Variants in TANC1 observed in about 807,000 individuals in gnomAD.
The protein encoded by TANC1 is tetratricopeptide repeat, ankyrin repeat and coiled-coil containing 1.
In TANC1, 77 loss-of-function variants were observed where a neutral mutation model predicts 149.7. That is an observed-to-expected ratio of 0.51 (90% confidence interval 0.43 to 0.62). The LOEUF is 0.62. Among genes scored for constraint, TANC1 ranks in the 20% least tolerant of loss-of-function variants. The pLI, the probability that TANC1 is intolerant of heterozygous loss-of-function variation, is 0.00. For missense variants in TANC1, 1,985 were observed against 2,321.8 expected (o/e 0.85, Z 2.98); for synonymous variants, 854 against 925.0 (o/e 0.92, Z 1.39).
intron 4 of TANC1, among the ~76,000 whole-genome samples, chr2:159,130,119 G>A (rs753681525): frequency 2.6e-5 from 4 of 152,106 alleles, no homozygotes; most frequent in Non-Finnish European, 5.9e-5. Context: ...AATACCAGAC[G>A]GTCTTTCCTT....
At chr2:159,130,894 C>G (rs959603094) in intron 4 of TANC1, among the ~76,000 whole-genome samples, 7 of 152,070 alleles carry the variant, frequency 4.6e-5, no homozygotes, top group Admixed American at 1.3e-4. Flanking sequence ...CAGGGTAGGT[C>G]TTTCCTCACC....
chr2:159,188,497 A>T (rs963750720), intron 16 of TANC1, among the ~76,000 whole-genome samples: 1 of 152,194 alleles, frequency 6.6e-6, no homozygotes, highest in Admixed American at 6.5e-5. Flanking sequence ...GTACCATCTC[A>T]TAGGACTGGT....
intron 18 of TANC1, among the ~76,000 whole-genome samples, chr2:159,197,907 T>G (rs529746500): frequency 1.3e-4 from 20 of 152,330 alleles, no homozygotes; most frequent in Admixed American, 4.6e-4. Flanking sequence ...CTTAGTGGCT[T>G]AAAGCAGCAC....
rs541555743 is a variant in TANC1, at chr2:159,157,601, C to A, written c.683-5682C>A. Among the ~76,000 whole-genome samples the A allele has an allele frequency of 3.3e-5, 5 of 152,276 alleles. No homozygotes were observed. In the South Asian group the frequency reaches 1.0e-3, roughly 32 times the overall value. ...TCGGACTTCCTCTGCAGCAGTGAAA[C>A]CTAATTTGGAAAGTTCTTAGTCACA... On this transcript the variant is annotated intron_variant, in intron 7 of 26. Coordinates refer to ENST00000263635, the MANE Select transcript of TANC1 (RefSeq NM_033394.3).
chr2:159,048,413 T>C (rs2041231019), intron 2 of TANC1, among the ~76,000 whole-genome samples: 1 of 152,214 alleles, frequency 6.6e-6, no homozygotes, highest in Non-Finnish European at 1.5e-5. Context: ...CTGGGTGGCC[T>C]GAGACAAGGA....
chr2:158,987,442 C>T (rs1035283398), intron 1 of TANC1, among the ~76,000 whole-genome samples: 15 of 152,052 alleles, frequency 9.9e-5, no homozygotes, highest in Admixed American at 6.6e-4. Context: ...GTAGGAGGAT[C>T]GCTTGAGCCC....
At chr2:159,177,022 G>A (rs2055940128) in intron 13 of TANC1, among the ~76,000 whole-genome samples, 2 of 145,768 alleles carry the variant, frequency 1.4e-5, no homozygotes, top group African/African-American at 5.1e-5. Flanking sequence ...TGATTCTCCT[G>A]CCTTGGCCTC....
intron 14 of TANC1, among the ~76,000 whole-genome samples, chr2:159,179,390 T>C (rs796311487): frequency 1.6e-4 from 24 of 152,162 alleles, no homozygotes; most frequent in African/African-American, 5.5e-4. Context: ...TTATGGATGG[T>C]ACATGTGGAT....
intron 19 of TANC1, among the ~76,000 whole-genome samples, chr2:159,213,740 A>G (rs921502294): frequency 7.9e-5 from 12 of 152,142 alleles, no homozygotes; most frequent in Non-Finnish European, 1.6e-4. Context: ...ATCTGACTAG[A>G]AAGATGACAG....
chr2:159,004,109 T>C (rs1559121345), intron 2 of TANC1: 6 of 1,611,666 alleles, frequency 3.7e-6, no homozygotes, highest in South Asian at 1.1e-5. Flanking sequence ...TTACTGGTCA[T>C]GCAGAAGCCA....
chr2:159,159,190 G>T (rs1340754589), intron 7 of TANC1, among the ~76,000 whole-genome samples: 1 of 152,046 alleles, frequency 6.6e-6, no homozygotes, highest in East Asian at 1.9e-4. Context: ...GGTAAAGTTG[G>T]ATCCTAGCAC....
chr2:159,214,124 CA>C (rs33996292), intron 19 of TANC1, among the ~76,000 whole-genome samples: 18,310 of 100,504 alleles, frequency 0.18, 1,701 homozygotes, highest in African/African-American at 0.24. Context: ...GATCCTGTCT[CA>C]AAAAAAAAAA....
intron 8 of TANC1, 23 bp downstream of exon 8, chr2:159,163,569 AAGGATTATCTC>A (rs1244246734): frequency 8.1e-6 from 13 of 1,602,204 alleles, no homozygotes; most frequent in African/African-American, 1.3e-5. Context: ...CTTTCCCTGG[AAGGATTATCTC>A]AGGGATACCA....
chr2:159,051,811 C>T (rs2041496037), intron 2 of TANC1, among the ~76,000 whole-genome samples: 2 of 152,156 alleles, frequency 1.3e-5, no homozygotes, highest in African/African-American at 4.8e-5. Flanking sequence ...AGCTGAAATA[C>T]TGAGCCAGAC....
chr2:159,174,739 A>G (rs1023626881), intron 11 of TANC1, among the ~76,000 whole-genome samples: 1 of 152,220 alleles, frequency 6.6e-6, no homozygotes, highest in African/African-American at 2.4e-5. Flanking sequence ...ATGCTAATCA[A>G]GATGGCTTTG....
chr2:159,007,112 G>C (rs556260706), intron 2 of TANC1, among the ~76,000 whole-genome samples: 118 of 149,446 alleles, frequency 7.9e-4, no homozygotes, highest in African/African-American at 2.7e-3. Flanking sequence ...CCCTATACAG[G>C]TGTACTGTTT....
At chr2:159,051,166 T>G (rs1054317281) in intron 2 of TANC1, among the ~76,000 whole-genome samples, 19 of 152,204 alleles carry the variant, frequency 1.2e-4, no homozygotes, top group Admixed American at 1.2e-3. Flanking sequence ...TGGGTTCTAA[T>G]TGGGCTGTTT....
chr2:159,046,870 G>A (rs1276509156), intron 2 of TANC1, among the ~76,000 whole-genome samples: 1 of 151,982 alleles, frequency 6.6e-6, no homozygotes, highest in African/African-American at 2.4e-5. Context: ...TCCCCAAAAT[G>A]CTGGGATTAC....
At chr2:158,983,461 C>T (rs1487277386) in intron 1 of TANC1, among the ~76,000 whole-genome samples, 1 of 103,394 alleles carries the variant, frequency 9.7e-6, no homozygotes, top group Non-Finnish European at 1.8e-5. Context: ...AGCAAGACTC[C>T]GTCTCCCAAA....
Sources: gnomAD v4.1 joint callset for allele counts (sites outside exome capture counted in the v4.1 genomes callset) on GRCh38, gnomAD v4.1.1 for gene constraint, MANE v1.5 for transcripts, NCBI Gene and HGNC (gene_info 2026-07-23, HGNC 2026-07-21) for gene names.